DYNC1I2: variants seen among roughly 807,000 people sequenced by gnomAD.
The protein encoded by DYNC1I2 is cytoplasmic dynein 1 intermediate chain 2.
A neutral mutation model predicts 88.6 loss-of-function variants in DYNC1I2; 53 were observed. The ratio of observed to expected loss-of-function variants is 0.60; its 90% confidence interval spans 0.48 to 0.75. The LOEUF (loss-of-function observed/expected upper bound fraction) is 0.75, where lower values mean the gene tolerates loss of function less well. DYNC1I2 is among the 30% of genes least tolerant of loss of function. DYNC1I2 has a pLI of 0.00. For synonymous variants in DYNC1I2, 198 were observed against 254.6 expected (o/e 0.78, Z 2.12); for missense variants, 458 against 766.6 (o/e 0.60, Z 4.75).
chr2:171,747,212 T>TAC (rs1316376874), intron 17 of DYNC1I2, among the ~76,000 whole-genome samples: 3 of 139,164 alleles, frequency 2.2e-5, no homozygotes, highest in African/African-American at 8.2e-5. Flanking sequence ...AAAAATTATA[T>TAC]ATATATATAT....
chr2:171,727,514 T>G (rs1383097127), intron 11 of DYNC1I2, among the ~76,000 whole-genome samples: 1 of 152,168 alleles, frequency 6.6e-6, no homozygotes, highest in African/African-American at 2.4e-5. Flanking sequence ...CAGAGTCTAA[T>G]GCAGGGCTAG....
chr2:171,710,657 AATT>A (rs1411673840), intron 5 of DYNC1I2, among the ~76,000 whole-genome samples: 1 of 151,662 alleles, frequency 6.6e-6, no homozygotes, highest in Middle Eastern at 3.2e-3. Context: ...ATTTAGGAAC[AATT>A]ATTCAGTGGG....
At chr2:171,707,029 C>T in intron 4 of DYNC1I2, 2 of 570,442 alleles carry the variant, frequency 3.5e-6, no homozygotes, top group East Asian at 6.1e-5. Context: ...CTTCCATAAT[C>T]TTGCCTTTTT....
intron 3 of DYNC1I2, among the ~76,000 whole-genome samples, chr2:171,701,937 A>AT (rs1195566694): frequency 3.8e-4 from 58 of 152,354 alleles, no homozygotes; most frequent in African/African-American, 1.4e-3. Flanking sequence ...GCTGTCAGTA[A>AT]TTAAGAGTGG....
At chr2:171,692,025 A>G (rs1252538013) in intron 2 of DYNC1I2, among the ~76,000 whole-genome samples, 1 of 152,150 alleles carries the variant, frequency 6.6e-6, no homozygotes, top group African/African-American at 2.4e-5. Flanking sequence ...TATGGCTAAC[A>G]AAATTCACTC....
Position 171,725,604 on chromosome 2 carries a change from T to TG in DYNC1I2, c.512-14_512-13insG, listed in dbSNP as rs767868684. 2 of 1,405,390 alleles carry TG rather than the reference T, an allele frequency of 1.4e-6. No individual in the cohort carries two copies. The highest frequency in any genetic ancestry group is 9.4e-7 in the Non-Finnish European group (1 of 1,061,906). The allele number at this position is 1,405,390 out of a possible 1,614,324, so 87.1% of individuals were successfully genotyped here. A position where few individuals can be genotyped will look rare whatever the true frequency, so the allele number is the denominator to read the frequency against. On this transcript the variant is annotated splice_polypyrimidine_tract_variant and intron_variant, in intron 7 of 17. Transcript: ENST00000397119. ...TTTTTTTGTTTTTTTGTTTGTTTTT[T>TG]TTTTTTTTTTCAGATGAAGAGGAAG... is the stretch of plus-strand genomic sequence containing the variant.
intron 3 of DYNC1I2, among the ~76,000 whole-genome samples, chr2:171,703,203 T>C (rs921854033): frequency 2.6e-5 from 4 of 152,220 alleles, no homozygotes; most frequent in African/African-American, 9.6e-5. Context: ...ATTAAAGCCA[T>C]TCTGCTTTAG....
intron 14 of DYNC1I2, 87 bp downstream of exon 14, chr2:171,728,937 CG>C (rs1425834367): frequency 2.2e-6 from 3 of 1,366,334 alleles, no homozygotes; most frequent in African/African-American, 3.0e-5. Flanking sequence ...AGAAATCTGT[CG>C]TAGATCTACT....
intron 3 of DYNC1I2, among the ~76,000 whole-genome samples, chr2:171,701,840 G>A (rs1045641821): frequency 3.9e-5 from 6 of 152,050 alleles, no homozygotes; most frequent in African/African-American, 1.2e-4. Flanking sequence ...TTTCAACAAA[G>A]GTTTTTCTGA....
intron 3 of DYNC1I2, among the ~76,000 whole-genome samples, chr2:171,702,645 A>ATT (rs201106193): frequency 1.3e-5 from 2 of 151,370 alleles, no homozygotes; most frequent in African/African-American, 4.9e-5. Flanking sequence ...CCTAAAGTGG[A>ATT]TTTTTTTTTC....
intron 4 of DYNC1I2, chr2:171,706,871 CAT>C (rs1352143708): frequency 1.8e-5 from 7 of 397,756 alleles, no homozygotes; most frequent in African/African-American, 6.2e-5. Flanking sequence ...CTTAATGAAA[CAT>C]ATTTCAGAGT....
intron 7 of DYNC1I2, among the ~76,000 whole-genome samples, chr2:171,718,887 G>A (rs1265606572): frequency 2.6e-5 from 4 of 152,160 alleles, no homozygotes; most frequent in Non-Finnish European, 4.4e-5. Flanking sequence ...ACACAAAGAA[G>A]CTGAAACTGA....
At position 171,725,714 on chromosome 2, in the gene DYNC1I2, G is replaced by GT. The variant is rs1688205957; in HGVS notation, c.607+2dup. 1 of 1,532,350 alleles carries GT rather than the reference G, an allele frequency of 6.5e-7. No homozygotes were observed. 94.9% of individuals were successfully genotyped at this position (1,532,350 alleles called of 1,614,324 possible). On this transcript the variant is annotated splice_donor_variant, in intron 8 of 17. Coordinates refer to ENST00000397119, the MANE Select transcript of DYNC1I2 (RefSeq NM_001378.3). LOFTEE classifies it high-confidence loss of function. ...AAAGATGAGGAAAATGATAGTAAAG[G>GT]TATCTTAAGGAATTAAACTTTAAAA...
chr2:171,693,996 T>C (rs1211993932), intron 3 of DYNC1I2, among the ~76,000 whole-genome samples: 1 of 152,080 alleles, frequency 6.6e-6, no homozygotes, highest in African/African-American at 2.4e-5. Context: ...TATGTTCTTC[T>C]TAAGACTTTA....
At chr2:171,733,517 G>T (rs1688784191) in intron 15 of DYNC1I2, among the ~76,000 whole-genome samples, 1 of 119,738 alleles carries the variant, frequency 8.4e-6, no homozygotes, top group African/African-American at 3.2e-5. Context: ...ATTCTGACTG[G>T]TGTGAGATGG....
intron 1 of DYNC1I2, chr2:171,687,862 G>C (rs1252527954): frequency 6.6e-6 from 1 of 152,542 alleles, no homozygotes; most frequent in African/African-American, 2.4e-5. Flanking sequence ...TCCCCATCCA[G>C]TCACCTGACA....
chr2:171,742,823 C>T (rs552481533), intron 15 of DYNC1I2, among the ~76,000 whole-genome samples: 1 of 152,318 alleles, frequency 6.6e-6, no homozygotes, highest in South Asian at 2.1e-4. Context: ...TGGCATTCTA[C>T]AACTTGGATT....
Position 171,743,563 on chromosome 2 carries a change from A to G in DYNC1I2, c.1537-486A>G, listed in dbSNP as rs529057066. Among the ~76,000 whole-genome samples, 3 of 152,266 alleles carry G rather than the reference A, an allele frequency of 2.0e-5. No individual in the cohort carries two copies. In the South Asian group the frequency reaches 6.2e-4, roughly 32 times the overall value. On this transcript the variant is annotated intron_variant, in intron 15 of 17. Coordinates refer to ENST00000397119, the MANE Select transcript of DYNC1I2 (RefSeq NM_001378.3). ...GTGCCTTCCTTCATCTTCTTCCCAC[A>G]CAGATACTGATACCATGCAAGTCTT... is the stretch of plus-strand genomic sequence containing the variant.
At chr2:171,699,287 A>G (rs1481707018) in intron 3 of DYNC1I2, among the ~76,000 whole-genome samples, 1 of 152,180 alleles carries the variant, frequency 6.6e-6, no homozygotes, top group African/African-American at 2.4e-5. Context: ...AGCCTGGGCA[A>G]CAGGGTGAGA....
Sources: allele counts gnomAD v4.1 joint callset (sites outside exome capture counted in the v4.1 genomes callset), GRCh38; gene constraint gnomAD v4.1.1; transcripts MANE v1.5; gene names NCBI Gene and HGNC (gene_info 2026-07-23, HGNC 2026-07-21).